Variants in DNM3 observed in about 807,000 individuals in gnomAD.
DNM3 encodes dynamin-3.
DNM3 carries 47 observed loss-of-function variants against 101.6 expected under a neutral mutation model. The ratio of observed to expected loss-of-function variants is 0.46; its 90% CI spans 0.37 to 0.59. The LOEUF (loss-of-function observed/expected upper bound fraction) is 0.59, where lower values mean the gene tolerates loss of function less well. Among genes scored for constraint, DNM3 ranks in the 20% least tolerant of loss-of-function variants. The pLI is 0.00. For synonymous variants in DNM3, 385 were observed against 387.9 expected (o/e 0.99, Z 0.09); for missense variants, 849 against 1,085.7 (o/e 0.78, Z 3.06).
At chr1:172,040,946 G>T (rs976368077) in intron 7 of DNM3, among the ~76,000 whole-genome samples, 2 of 152,056 alleles carry the variant, frequency 1.3e-5, no homozygotes, top group African/African-American at 4.8e-5. Context: ...TAAGAGATGG[G>T]GCTGAAGAGG....
At chr1:172,281,365 C>T (rs1414544314) in intron 15 of DNM3, among the ~76,000 whole-genome samples, 1 of 152,050 alleles carries the variant, frequency 6.6e-6, no homozygotes, top group Non-Finnish European at 1.5e-5. Flanking sequence ...CCATGGTTCA[C>T]AAATGAATCA....
intron 4 of DNM3, among the ~76,000 whole-genome samples, chr1:172,004,164 G>A (rs887034980): frequency 6.6e-6 from 1 of 152,046 alleles, no homozygotes; most frequent in Non-Finnish European, 1.5e-5. Flanking sequence ...TATGTTTTGA[G>A]GAAGATGAAA....
intron 20 of DNM3, chr1:172,393,586 C>CTT (rs1319806333): frequency 7.5e-6 from 1 of 133,854 alleles, no homozygotes; most frequent in African/African-American, 2.5e-5. Context: ...GACTTACTGT[C>CTT]TTTTCAACAG....
At chr1:171,875,431 G>A (rs113074375) in intron 1 of DNM3, among the ~76,000 whole-genome samples, 2,614 of 152,234 alleles carry the variant, frequency 0.017, 78 homozygotes, top group African/African-American at 0.058. Context: ...TTGTGCTGTT[G>A]TACCTTTTTT....
chr1:172,267,568 C>T (rs2062913295), intron 15 of DNM3, among the ~76,000 whole-genome samples: 1 of 151,846 alleles, frequency 6.6e-6, no homozygotes, highest in Non-Finnish European at 1.5e-5. Flanking sequence ...AAAAAAAAAG[C>T]ATAGATGTTT....
chr1:172,088,333 A>T (rs2053673445), intron 12 of DNM3, among the ~76,000 whole-genome samples: 1 of 152,024 alleles, frequency 6.6e-6, no homozygotes, highest in Admixed American at 6.6e-5. Flanking sequence ...ACTGGACAGG[A>T]CTCCAATAGT....
chr1:172,011,220 T>G (rs1169140821), intron 4 of DNM3, among the ~76,000 whole-genome samples: 1 of 151,974 alleles, frequency 6.6e-6, no homozygotes, highest in Admixed American at 6.6e-5. Context: ...GGTGGGAACT[T>G]AAATGATTCC....
intron 10 of DNM3, among the ~76,000 whole-genome samples, chr1:172,056,415 A>G (rs2050625767): frequency 6.6e-6 from 1 of 152,226 alleles, no homozygotes; most frequent in Non-Finnish European, 1.5e-5. Context: ...AAAAGACAGC[A>G]GTAACCTCTG....
chr1:172,262,512 T>TG (rs2062700894), intron 15 of DNM3, among the ~76,000 whole-genome samples: 1 of 152,132 alleles, frequency 6.6e-6, no homozygotes, highest in African/African-American at 2.4e-5. Flanking sequence ...CATGGTCTAC[T>TG]GGGGGTCTCT....
chr1:172,214,279 T>G (rs1259377664), intron 14 of DNM3, among the ~76,000 whole-genome samples: 2 of 152,132 alleles, frequency 1.3e-5, no homozygotes, highest in African/African-American at 4.8e-5. Flanking sequence ...TCCTACTTGT[T>G]TAACTATTGC....
Position 171,912,368 on chromosome 1 carries a change from T to G in DNM3, c.162-9380T>G, listed in dbSNP as rs182886743. Reference sequence around the variant, plus strand: ...GGGGAAAAATATCAAATAAGTTTCATTAGGGGAACCATAATGAAAAGAAGG... The same window carrying G: ...GGGGAAAAATATCAAATAAGTTTCAGTAGGGGAACCATAATGAAAAGAAGG... On this transcript the variant is annotated intron_variant, in intron 1 of 20. Coordinates refer to ENST00000627582, the MANE Select transcript of DNM3 (RefSeq NM_015569.5). 2.0e-5 allele frequency among the ~76,000 whole-genome samples: 3 copies of G among 152,288 alleles called. No individual in the cohort carries two copies. The East Asian group carries it at 5.8e-4, about 29-fold the overall frequency.
intron 15 of DNM3, among the ~76,000 whole-genome samples, chr1:172,304,320 T>G (rs1406525780): frequency 1.3e-5 from 2 of 151,042 alleles, no homozygotes; most frequent in East Asian, 1.9e-4. Flanking sequence ...AGGGATCAAT[T>G]CAACAAGTAG....
At chr1:171,873,725 A>G (rs1448440419) in intron 1 of DNM3, among the ~76,000 whole-genome samples, 2 of 152,248 alleles carry the variant, frequency 1.3e-5, no homozygotes, top group African/African-American at 2.4e-5. Context: ...GACTTAAACC[A>G]TACGAAAAAC....
At chr1:172,107,359 G>T (rs1210402396) in intron 13 of DNM3, among the ~76,000 whole-genome samples, 4 of 151,772 alleles carry the variant, frequency 2.6e-5, no homozygotes, top group Non-Finnish European at 5.9e-5. Context: ...ATCTTAAGAA[G>T]ATGGTGAAAC....
chr1:171,981,191 G>A (rs1270936113), intron 2 of DNM3, among the ~76,000 whole-genome samples: 1 of 152,192 alleles, frequency 6.6e-6, no homozygotes, highest in Non-Finnish European at 1.5e-5. Flanking sequence ...TACAGCCAGT[G>A]AATTCAGCTT....
At chr1:171,932,014 CCCTT>C (rs1236146616) in intron 2 of DNM3, among the ~76,000 whole-genome samples, 1 of 92,616 alleles carries the variant, frequency 1.1e-5, no homozygotes, top group Non-Finnish European at 2.1e-5. Flanking sequence ...CTTCCTCCCT[CCCTT>C]CCTCCCTCCC....
At chr1:171,898,842 G>A (rs946282234) in intron 1 of DNM3, among the ~76,000 whole-genome samples, 2 of 152,006 alleles carry the variant, frequency 1.3e-5, no homozygotes. Flanking sequence ...TCTACAGTGG[G>A]TGATAAATCC....
rs974608287 is a variant in DNM3, at chr1:172,411,558, A to C, written c.*3717A>C. 4 of 983,822 alleles carry C rather than the reference A, an allele frequency of 4.1e-6. No individual in the cohort carries two copies. In the African/African-American group the frequency reaches 7.0e-5, roughly 17 times the overall value. The allele number at this position is 983,822 out of a possible 1,614,324, so 60.9% of individuals were successfully genotyped here. A position where few individuals can be genotyped will look rare whatever the true frequency, so the allele number is the denominator to read the frequency against. ...AGAAGTAAAAAAAAAAAAAAAGGACATAGCAACATTAAAGTAGTGGATTTT... is the reference window on the plus strand; with the variant it reads ...AGAAGTAAAAAAAAAAAAAAAGGACCTAGCAACATTAAAGTAGTGGATTTT... On this transcript the variant is annotated 3_prime_UTR_variant, in exon 21 of 21. Transcript: ENST00000627582.
chr1:172,170,575 G>T (rs2058919343), intron 14 of DNM3, among the ~76,000 whole-genome samples: 1 of 151,884 alleles, frequency 6.6e-6, no homozygotes. Context: ...AAGAACTTCA[G>T]TGTTAATTGC....
Sources: allele counts gnomAD v4.1 joint callset (sites outside exome capture counted in the v4.1 genomes callset), GRCh38; gene constraint gnomAD v4.1.1; transcripts MANE v1.5; gene names NCBI Gene and HGNC (gene_info 2026-07-23, HGNC 2026-07-21).